Variants in RPH3A observed in about 807,000 individuals in gnomAD.
The protein encoded by RPH3A is rabphilin 3A.
A neutral mutation model predicts 102.2 loss-of-function variants in RPH3A; 48 were observed. The ratio of observed to expected loss-of-function variants is 0.47; its 90% confidence interval spans 0.37 to 0.60. The LOEUF is 0.60. Among genes scored for constraint, RPH3A ranks in the 20% least tolerant of loss-of-function variants. RPH3A has a pLI of 0.00. For missense variants in RPH3A, 781 were observed against 910.1 expected (o/e 0.86, Z 1.83); for synonymous variants, 310 against 324.3 (o/e 0.96, Z 0.47).
intron 4 of RPH3A, among the ~76,000 whole-genome samples, chr12:112,843,590 T>C (rs1207776051): frequency 6.6e-6 from 1 of 152,076 alleles, no homozygotes; most frequent in Non-Finnish European, 1.5e-5. Flanking sequence ...GGTGTGGTGG[T>C]GGGGTGTGAG....
rs200802149 is a variant in RPH3A at position 112,712,993 on chromosome 12, G to GTCTTCCTCTTCC, written c.-139-79126_-139-79115dup. On this transcript the variant is annotated intron_variant, in intron 1 of 21. Transcript: ENST00000543106. The stretch of plus-strand genomic sequence containing the variant: ...TTCTTCTTTCTTCTTCGTCGTCTTT[G>GTCTTCCTCTTCC]TCTTCCTCTTCCTCTTCCTCTTCCT... 1.7e-3 allele frequency among the ~76,000 whole-genome samples: 99 copies of GTCTTCCTCTTCC among 58,976 alleles called. 2 individuals carry two copies. Among genetic ancestry groups the GTCTTCCTCTTCC allele is most frequent in the Middle Eastern group, 0.016 (2 of 128 alleles). 38.7% of individuals were successfully genotyped at this position (58,976 alleles called of 152,430 possible). A position where few individuals can be genotyped will look rare whatever the true frequency, so the allele number is the denominator to read the frequency against.
At chr12:112,855,388 A>G (rs917055716) in intron 5 of RPH3A, among the ~76,000 whole-genome samples, 1 of 152,218 alleles carries the variant, frequency 6.6e-6, no homozygotes, top group Non-Finnish European at 1.5e-5. Flanking sequence ...GTTTGTCATG[A>G]CACAGCACCT....
chr12:112,601,159 G>A (rs1338548931), intron 1 of RPH3A, among the ~76,000 whole-genome samples: 1 of 152,218 alleles, frequency 6.6e-6, no homozygotes, highest in Non-Finnish European at 1.5e-5. Flanking sequence ...AATCGTATCA[G>A]TAGCTGTGTT....
rs1592995809 is a variant in RPH3A at position 112,781,567 on chromosome 12, G to A, written c.-139-10576G>A. On this transcript the variant is annotated intron_variant, in intron 1 of 21. Transcript: ENST00000543106. ...TTTCTCTCTATTCAGTTTCTTTGTAGTTTCCTGGGTGTGGTGGTATTGGTG... is the reference window on the plus strand; with the variant it reads ...TTTCTCTCTATTCAGTTTCTTTGTAATTTCCTGGGTGTGGTGGTATTGGTG... Among the ~76,000 whole-genome samples, 5 of 152,288 alleles carry A rather than the reference G, an allele frequency of 3.3e-5. No individual in the cohort carries two copies. In the South Asian group the frequency reaches 1.0e-3, roughly 32 times the overall value.
chr12:112,659,114 C>T (rs1310934217), intron 1 of RPH3A, among the ~76,000 whole-genome samples: 8 of 152,132 alleles, frequency 5.3e-5, no homozygotes, highest in Non-Finnish European at 1.0e-4. Flanking sequence ...TTGCTACCTC[C>T]TACTGCCCCA....
chr12:112,584,355 C>T (rs1020386509), intron 1 of RPH3A, among the ~76,000 whole-genome samples: 2 of 152,184 alleles, frequency 1.3e-5, no homozygotes, highest in Admixed American at 6.5e-5. Context: ...AACATCATGC[C>T]TCTCACTCTG....
chr12:112,701,669 A>G (rs916792681), intron 1 of RPH3A, among the ~76,000 whole-genome samples: 2 of 152,214 alleles, frequency 1.3e-5, no homozygotes, highest in African/African-American at 4.8e-5. Flanking sequence ...GGTTTAGCTC[A>G]ATGAGTTCTA....
At chr12:112,610,839 T>G (rs1194456884) in intron 1 of RPH3A, among the ~76,000 whole-genome samples, 1 of 152,124 alleles carries the variant, frequency 6.6e-6, no homozygotes, top group African/African-American at 2.4e-5. Flanking sequence ...GGTTTCACCG[T>G]GTTAGCCAGG....
intron 4 of RPH3A, among the ~76,000 whole-genome samples, chr12:112,847,154 C>G (rs2042244568): frequency 6.6e-6 from 1 of 152,158 alleles, no homozygotes; most frequent in Admixed American, 6.5e-5. Context: ...GATGTTATGT[C>G]AGTGTTCGCT....
At chr12:112,797,146 T>C (rs2041248568) in intron 2 of RPH3A, among the ~76,000 whole-genome samples, 1 of 152,096 alleles carries the variant, frequency 6.6e-6, no homozygotes, top group Non-Finnish European at 1.5e-5. Context: ...GCTCCCCGAG[T>C]CACCCAAAGA....
At chr12:112,845,944 T>G (rs892363098) in intron 4 of RPH3A, among the ~76,000 whole-genome samples, 1 of 151,974 alleles carries the variant, frequency 6.6e-6, no homozygotes, top group Non-Finnish European at 1.5e-5. Flanking sequence ...TCCAGGGAGA[T>G]AAGTGTTCCT....
intron 1 of RPH3A, among the ~76,000 whole-genome samples, chr12:112,656,808 CAT>C (rs984222907): frequency 6.0e-5 from 9 of 149,354 alleles, no homozygotes; most frequent in Non-Finnish European, 7.4e-5. Context: ...TATATATATA[CAT>C]ATATATATAT....
At chr12:112,833,018 C>G (rs562915896) in intron 3 of RPH3A, among the ~76,000 whole-genome samples, 1 of 148,968 alleles carries the variant, frequency 6.7e-6, no homozygotes, top group African/African-American at 2.5e-5. Context: ...CTCGCTGCAA[C>G]CTTCGCCTCC....
At chr12:112,757,641 CA>C (rs1647828751) in intron 1 of RPH3A, among the ~76,000 whole-genome samples, 1 of 152,126 alleles carries the variant, frequency 6.6e-6, no homozygotes, top group Non-Finnish European at 1.5e-5. Flanking sequence ...TAAATATGTG[CA>C]ATTATGATAT....
rs570131342 is a variant in RPH3A at position 112,856,799 on chromosome 12, C to T, written c.231-8615C>T. Among the ~76,000 whole-genome samples, 11 of 152,228 alleles carry T rather than the reference C, an allele frequency of 7.2e-5. No individual in the cohort carries two copies. The South Asian group carries it at 2.1e-3, about 29-fold the overall frequency. On this transcript the variant is annotated intron_variant, in intron 5 of 21. Coordinates refer to ENST00000389385, the MANE Select transcript of RPH3A (RefSeq NM_001143854.2). The stretch of plus-strand genomic sequence containing the variant: ...CCATTACTGAATAGTTACCATGTTC[C>T]GGGCATTTTACAAACACTATCTCAT...
chr12:112,851,542 G>A (rs2042322357), intron 5 of RPH3A, among the ~76,000 whole-genome samples: 1 of 152,202 alleles, frequency 6.6e-6, no homozygotes, highest in Non-Finnish European at 1.5e-5. Flanking sequence ...AGTTCCAGGA[G>A]AGAAATGCCC....
At chr12:112,751,930 G>C (rs570584241) in intron 1 of RPH3A, among the ~76,000 whole-genome samples, 1 of 152,210 alleles carries the variant, frequency 6.6e-6, no homozygotes, top group South Asian at 2.1e-4. Flanking sequence ...ATGCAAAGAT[G>C]CTCTTTACAT....
At chr12:112,610,867 AC>A (rs1335532123) in intron 1 of RPH3A, among the ~76,000 whole-genome samples, 1 of 152,068 alleles carries the variant, frequency 6.6e-6, no homozygotes, top group African/African-American at 2.4e-5. Context: ...CGATCTCCTG[AC>A]CTTGTGATCC....
At chr12:112,703,094 T>C (rs1418727805) in intron 1 of RPH3A, among the ~76,000 whole-genome samples, 2 of 152,190 alleles carry the variant, frequency 1.3e-5, no homozygotes, top group Non-Finnish European at 2.9e-5. Context: ...TCTGAGACTG[T>C]TTTTCAAGAG....
Sources: allele counts gnomAD v4.1 joint callset (sites outside exome capture counted in the v4.1 genomes callset), GRCh38; gene constraint gnomAD v4.1.1; transcripts MANE v1.5; gene names NCBI Gene and HGNC (gene_info 2026-07-23, HGNC 2026-07-21).